The following RAP1GAP variants were observed in gnomAD, a reference collection of about 807,000 sequenced individuals.
The protein encoded by RAP1GAP is rap1 GTPase-activating protein 1.
Under a neutral mutation model 87.2 loss-of-function variants are expected in RAP1GAP, and 35 were observed. The ratio of observed to expected loss-of-function variants is 0.40; its 90% confidence interval spans 0.31 to 0.53. The LOEUF (loss-of-function observed/expected upper bound fraction) is 0.53. Ranked by LOEUF, RAP1GAP falls within the 20% of genes least tolerant of loss-of-function variation. The probability of loss-of-function intolerance (pLI) is 0.48; values close to 1 mark genes in which losing one functional copy is unlikely to be tolerated. For missense variants in RAP1GAP, 734 were observed against 898.9 expected (o/e 0.82, Z 2.35); for synonymous variants, 375 against 363.9 (o/e 1.03, Z -0.35).
chr1:21,620,956 G>A (rs559005460), intron 3 of RAP1GAP, among the ~76,000 whole-genome samples: 19 of 152,068 alleles, frequency 1.2e-4, no homozygotes, highest in Non-Finnish European at 2.6e-4. Flanking sequence ...TATATGTTTC[G>A]TGTACCAAGA....
intron 17 of RAP1GAP, 50 bp downstream of exon 17, chr1:21,608,163 G>A: frequency 6.3e-7 from 1 of 1,599,224 alleles, no homozygotes; most frequent in South Asian, 1.1e-5. Context: ...CCGGGATTCC[G>A]CCCTAGCCAC....
At chr1:21,602,980 T>A in intron 18 of RAP1GAP, 67 bp from the exon 19 acceptor site, 4 of 1,177,490 alleles carry the variant, frequency 3.4e-6, no homozygotes, top group Non-Finnish European at 4.9e-6. Context: ...CCACATCCCC[T>A]CTGGGGATCC....
chr1:21,642,253 C>T (rs1348844584), intron 2 of RAP1GAP, among the ~76,000 whole-genome samples: 8 of 152,248 alleles, frequency 5.3e-5, no homozygotes, highest in Admixed American at 1.3e-4. Context: ...ACACACCAAG[C>T]GCAATTCCGC....
Position 21,669,339 on chromosome 1 carries a change from C to A in RAP1GAP, c.-234G>T. On this transcript the variant is annotated 5_prime_UTR_variant, in exon 1 of 25. Coordinates refer to ENST00000374765, the MANE Select transcript of RAP1GAP (RefSeq NM_002885.4). The surrounding 1 kb of genome is among the most constrained non-coding windows in gnomAD (Gnocchi z 5.6). ...CAGCTCTGCTCAGATGCGGCCGGCG[C>A]TCGCCGCCGCCGCAGTTCGGGGAGG... The A allele has an allele frequency of 9.3e-7, 1 of 1,076,418 alleles. No homozygotes were observed. Among genetic ancestry groups the A allele is most frequent in the South Asian group, 2.2e-5 (1 of 44,878 alleles). The allele number at this position is 1,076,418 out of a possible 1,614,324, so 66.7% of individuals were successfully genotyped here.
At chr1:21,644,466 G>C (rs988953942) in intron 2 of RAP1GAP, among the ~76,000 whole-genome samples, 1 of 152,066 alleles carries the variant, frequency 6.6e-6, no homozygotes, top group Non-Finnish European at 1.5e-5. Flanking sequence ...CTAAACCAGG[G>C]TTCATAACGG....
At chr1:21,662,554 G>A (rs1276462803) in intron 1 of RAP1GAP, among the ~76,000 whole-genome samples, 1 of 152,082 alleles carries the variant, frequency 6.6e-6, no homozygotes, top group Non-Finnish European at 1.5e-5. Context: ...TGGGCCCCAG[G>A]GATAGGCCAT....
intron 7 of RAP1GAP, 82 bp from the exon 8 acceptor site, chr1:21,614,171 TC>T: frequency 2.2e-6 from 2 of 928,364 alleles, no homozygotes; most frequent in Non-Finnish European, 3.3e-6. Context: ...GCCAACCCAC[TC>T]CCAGATGCAG....
intron 1 of RAP1GAP, chr1:21,665,190 C>CA: frequency 2.0e-6 from 1 of 497,774 alleles, no homozygotes; most frequent in South Asian, 1.5e-5. Context: ...GAAACAGACT[C>CA]AGAGGGAGAG....
chr1:21,653,594 C>CTTTCCTTCCTT (rs1558897512), intron 1 of RAP1GAP, among the ~76,000 whole-genome samples: 1 of 81,084 alleles, frequency 1.2e-5, no homozygotes. Context: ...CTTCCTTCCT[C>CTTTCCTTCCTT]CCTCCCTCCC....
At chr1:21,598,322 G>T in intron 22 of RAP1GAP, 78 bp downstream of exon 22, 1 of 1,321,440 alleles carries the variant, frequency 7.6e-7, no homozygotes. Context: ...CATGGGGCAT[G>T]GGAACTGGTG....
At chr1:21,654,654 G>A (rs2096787148) in intron 1 of RAP1GAP, among the ~76,000 whole-genome samples, 1 of 151,816 alleles carries the variant, frequency 6.6e-6, no homozygotes, top group South Asian at 2.1e-4. Flanking sequence ...GCAACATAGT[G>A]AGACCTGTCT....
chr1:21,607,836 C>T (rs2075710738), intron 17 of RAP1GAP, among the ~76,000 whole-genome samples: 1 of 152,108 alleles, frequency 6.6e-6, no homozygotes, highest in Non-Finnish European at 1.5e-5. Context: ...CGCCCTCATC[C>T]CAGACTAGAG....
intron 2 of RAP1GAP, among the ~76,000 whole-genome samples, chr1:21,630,305 G>A (rs1290125971): frequency 6.9e-6 from 1 of 143,898 alleles, no homozygotes; most frequent in Non-Finnish European, 1.5e-5. Context: ...TCTTGCTCTT[G>A]CTGCCCAGGC....
intron 7 of RAP1GAP, among the ~76,000 whole-genome samples, chr1:21,614,819 C>T (rs768504935): frequency 2.0e-5 from 3 of 152,212 alleles, no homozygotes; most frequent in Non-Finnish European, 4.4e-5. Context: ...CGGGCTCCTC[C>T]TGCCAACCTC....
At chr1:21,630,180 C>G (rs942419606) in intron 2 of RAP1GAP, among the ~76,000 whole-genome samples, 1 of 152,208 alleles carries the variant, frequency 6.6e-6, no homozygotes, top group Non-Finnish European at 1.5e-5. Context: ...TTGACCTCCC[C>G]CAACATCTGG....
At chr1:21,611,259 G>A (rs2078057913) in intron 13 of RAP1GAP, among the ~76,000 whole-genome samples, 193 bp downstream of exon 13, 3 of 152,190 alleles carry the variant, frequency 2.0e-5, no homozygotes, top group Non-Finnish European at 4.4e-5. Flanking sequence ...CTAGGAAGTG[G>A]GTGCCATTCT....
chr1:21,618,958 T>C, intron 5 of RAP1GAP, 67 bp downstream of exon 5: 1 of 1,465,256 alleles, frequency 6.8e-7, no homozygotes, highest in Non-Finnish European at 9.4e-7. Flanking sequence ...TGATGGGCAG[T>C]GGTGGCAGCA....
At chr1:21,651,933 T>G in intron 1 of RAP1GAP, 1 of 893,420 alleles carries the variant, frequency 1.1e-6, no homozygotes, top group Non-Finnish European at 1.3e-6. Context: ...CCAGCTCGGA[T>G]ACGTCCGCGC....
intron 2 of RAP1GAP, among the ~76,000 whole-genome samples, chr1:21,645,152 G>T (rs1305528149): frequency 7.9e-5 from 12 of 152,206 alleles, no homozygotes; most frequent in Admixed American, 3.9e-4. Context: ...CGTGTTCAGT[G>T]GTTACTGTGG....
Sources: allele counts gnomAD v4.1 joint callset (sites outside exome capture counted in the v4.1 genomes callset), GRCh38; gene constraint gnomAD v4.1.1; non-coding constraint Gnocchi (gnomAD v3.1); transcripts MANE v1.5; gene names NCBI Gene and HGNC (gene_info 2026-07-23, HGNC 2026-07-21).